Variants in SPTA1 observed in about 807,000 individuals in gnomAD.
SPTA1 encodes the protein spectrin alpha chain, erythrocytic 1.
Under a neutral mutation model 324.7 loss-of-function variants are expected in SPTA1, and 177 were observed. That is an observed-to-expected ratio of 0.55 (90% confidence interval 0.48 to 0.62). The LOEUF (loss-of-function observed/expected upper bound fraction) is 0.62, where lower values mean the gene tolerates loss of function less well. Ranked by LOEUF, SPTA1 falls within the 20% of genes least tolerant of loss-of-function variation. The pLI is 0.00. For synonymous variants in SPTA1, 1,195 were observed against 1,041.3 expected (o/e 1.15, Z -2.84); for missense variants, 3,162 against 2,883.6 (o/e 1.10, Z -2.21).
In SPTA1 at chr1:158,677,542, T is replaced by C. The variant is rs1654468288; in HGVS notation, c.957+148A>G. ...TCCACATACGAGTTATGAACTAGAA[T>C]GAAGAAGCGTATTCAAGTGCACACA... On this transcript the variant is annotated intron_variant, in intron 7 of 51. Coordinates refer to ENST00000643759, the MANE Select transcript of SPTA1 (RefSeq NM_003126.4). The C allele has an allele frequency of 1.3e-5, 12 of 905,348 alleles. No homozygotes were observed. In the Admixed American group the frequency reaches 2.0e-4, roughly 15 times the overall value. 56.1% of individuals were successfully genotyped at this position (905,348 alleles called of 1,614,324 possible).
intron 49 of SPTA1, among the ~76,000 whole-genome samples, 162 bp from the exon 50 acceptor site, chr1:158,614,029 T>C (rs908543545): frequency 1.1e-4 from 16 of 152,208 alleles, no homozygotes; most frequent in African/African-American, 3.9e-4. Flanking sequence ...GTACATTTTT[T>C]TAACCTAATG....
chr1:158,627,330 G>T (rs1373826077), intron 40 of SPTA1, among the ~76,000 whole-genome samples: 1 of 152,158 alleles, frequency 6.6e-6, no homozygotes, highest in Non-Finnish European at 1.5e-5. Context: ...TATGGCCAAA[G>T]CTAGTGATAA....
chr1:158,631,339 G>C (rs1408349574), intron 39 of SPTA1, among the ~76,000 whole-genome samples: 1 of 152,158 alleles, frequency 6.6e-6, no homozygotes, highest in Non-Finnish European at 1.5e-5. Flanking sequence ...GCCACTCTAA[G>C]TGAAGTAACT....
At position 158,614,160 on chromosome 1, in the gene SPTA1, C is replaced by A. The variant is rs1649416751; in HGVS notation, c.6842+93G>T. 4 of 1,064,050 alleles carry A rather than the reference C, an allele frequency of 3.8e-6. No individual in the cohort carries two copies. The Admixed American group carries it at 5.9e-5, about 16-fold the overall frequency. The allele number at this position is 1,064,050 out of a possible 1,614,324, so 65.9% of individuals were successfully genotyped here. ...ATCTAGATCTTCATTTAAGATTCCACCAAGCCTCACAGAGTGAGAGAAACA... is the reference window on the plus strand; with the variant it reads ...ATCTAGATCTTCATTTAAGATTCCAACAAGCCTCACAGAGTGAGAGAAACA... On this transcript the variant is annotated intron_variant, in intron 49 of 51. Transcript: ENST00000643759.
At chr1:158,662,576 T>A in intron 17 of SPTA1, 126 bp downstream of exon 17, 1 of 1,314,436 alleles carries the variant, frequency 7.6e-7, no homozygotes, top group Non-Finnish European at 1.0e-6. Context: ...GGACAAATTT[T>A]CATGAGTGTG....
rs376712487 is a variant in SPTA1, at chr1:158,642,528, T to C, written c.4620A>G (p.Lys1540=). The part of the protein sequence containing the change: ...DATNIQRKYL[K]HQTFAHEVDG... The stretch of plus-strand genomic sequence containing the variant: ...CGACTTCATGTGCAAAGGTCTGGTG[T>C]TTCAGGTATTTCCTCTGAAGGGAAA... Residue 1540 remains lysine (K), a synonymous_variant, in exon 33 of 52, where the codon AAA becomes AAG. Coordinates refer to ENST00000643759, the MANE Select transcript of SPTA1 (RefSeq NM_003126.4). 8.7e-6 allele frequency: 14 copies of C among 1,613,404 alleles called. No homozygotes were observed. The African/African-American group carries it at 1.9e-4, about 22-fold the overall frequency.
At chr1:158,641,927 T>C (rs1326846137) in intron 33 of SPTA1, among the ~76,000 whole-genome samples, 1 of 152,190 alleles carries the variant, frequency 6.6e-6, no homozygotes, top group Admixed American at 6.5e-5. Flanking sequence ...CCCACAATGG[T>C]AGACTGGATT....
In SPTA1 at chr1:158,648,532, C is replaced by G. The variant is rs1481180120; in HGVS notation, c.3691G>C (p.Asp1231His). Residue 1231 changes from aspartate (D) to histidine (H), a missense_variant, in exon 26 of 52, where the codon GAC becomes CAC. Asp to His is a moderately conservative substitution (Grantham distance 81, BLOSUM62 -1). Coordinates refer to ENST00000643759, the MANE Select transcript of SPTA1 (RefSeq NM_003126.4). ...ACCTTATCTCCCAGGGGTACGAGGTCCCTTTCAAAGCCCTCATGCCGTCGC... is the reference window on the plus strand; with the variant it reads ...ACCTTATCTCCCAGGGGTACGAGGTGCCTTTCAAAGCCCTCATGCCGTCGC... ...LQRRHEGFER[D>H]LVPLGDKVTI... 1 of 1,613,938 alleles carries G rather than the reference C, an allele frequency of 6.2e-7. No individual in the cohort carries two copies. Among genetic ancestry groups the G allele is most frequent in the South Asian group, 1.1e-5 (1 of 91,056 alleles).
rs974211819 is a variant in SPTA1 at position 158,683,245 on chromosome 1, G to C, written c.390+126C>G. On this transcript the variant is annotated intron_variant, in intron 3 of 51. Transcript: ENST00000643759. ...ATCATTTTTTATGCCTCAACCCCAG[G>C]GGAAGATAAGAGGCAGGAGTCCTGG... The C allele has an allele frequency of 5.9e-6, 8 of 1,350,890 alleles. No individual in the cohort carries two copies. In the African/African-American group the frequency reaches 1.0e-4, roughly 17 times the overall value. 83.7% of individuals were successfully genotyped at this position (1,350,890 alleles called of 1,614,324 possible). A position where few individuals can be genotyped will look rare whatever the true frequency, so the allele number is the denominator to read the frequency against.
rs371269282 is a variant in SPTA1 at position 158,634,615 on chromosome 1, C to T, written c.5493G>A (p.Glu1831=). The T allele has an allele frequency of 4.0e-5, 65 of 1,614,066 alleles. No homozygotes were observed. In the African/African-American group the frequency reaches 8.4e-4, roughly 21 times the overall value. ...CATTCTTTTCATTGATCCAAGCTTC[C>T]TCTTCCTCAGCATTCTGCATGAATT... is the stretch of plus-strand genomic sequence containing the variant. The part of the protein sequence containing the change: ...YLQFMQNAEE[E]EAWINEKNAL... Residue 1831 remains glutamate, a synonymous_variant, in exon 39 of 52, where the codon GAG becomes GAA. Transcript: ENST00000643759.
rs752468147 is a variant in SPTA1 at position 158,653,322 on chromosome 1, C to T, written c.3140G>A (p.Arg1047Gln). Reference sequence around the variant, plus strand: ...CTGGGTGATGTTTCCTGGCTCTTCTCGTCGCCGCTGTGGGAGCATCGGGAA... The same window carrying T: ...CTGGGTGATGTTTCCTGGCTCTTCTTGTCGCCGCTGTGGGAGCATCGGGAA... Reference protein sequence around the residue: ...DEFPMLPQRRREEPGNITQRQ... With the variant: ...DEFPMLPQRRQEEPGNITQRQ... The change falls in exon 22 of 52, where the codon CGA becomes CAA. Residue 1047 changes from arginine to glutamine, a missense_variant. Arg to Gln is a conservative substitution (Grantham distance 43). Coordinates refer to ENST00000643759, the MANE Select transcript of SPTA1 (RefSeq NM_003126.4). 5.6e-6 allele frequency: 9 copies of T among 1,614,096 alleles called. No individual in the cohort carries two copies. Among genetic ancestry groups the T allele is most frequent in the African/African-American group, 1.3e-5 (1 of 75,004 alleles).
intron 32 of SPTA1, 49 bp downstream of exon 32, chr1:158,642,765 A>G (rs747658710): frequency 9.9e-6 from 16 of 1,613,510 alleles, no homozygotes; most frequent in Non-Finnish European, 1.4e-5. Context: ...CTATCCAACC[A>G]ACAAGCTCGG....
At chr1:158,659,225 TG>T (rs1267942729) in intron 18 of SPTA1, among the ~76,000 whole-genome samples, 2 of 152,052 alleles carry the variant, frequency 1.3e-5, no homozygotes, top group Non-Finnish European at 2.9e-5. Context: ...TGAAAACAAA[TG>T]GAAGTATCAA....
intron 41 of SPTA1, 59 bp from the exon 42 acceptor site, chr1:158,626,281 A>G: frequency 6.7e-7 from 1 of 1,497,898 alleles, no homozygotes; most frequent in Non-Finnish European, 9.3e-7. Context: ...AGTCCTGGGA[A>G]GCAGAAAAGG....
Position 158,657,514 on chromosome 1 carries a change from T to G in SPTA1, c.2768A>C (p.Asp923Ala). Reference protein sequence around the residue: ...TWIREKEPIVDNTNYGADEEA... With the variant: ...TWIREKEPIVANTNYGADEEA... ...TTCATCAGCACCATAGTTAGTATTA[T>G]CTACAATAGGTTCCTTCTCTCTGAT... The change falls in exon 19 of 52, where the codon GAT becomes GCT. Residue 923 changes from aspartate (D) to alanine (A), a missense_variant. Coordinates refer to ENST00000643759, the MANE Select transcript of SPTA1 (RefSeq NM_003126.4). The G allele has an allele frequency of 1.2e-6, 2 of 1,613,852 alleles. No homozygotes were observed. Among genetic ancestry groups the G allele is most frequent in the African/African-American group, 1.3e-5 (1 of 75,014 alleles).
At position 158,652,634 on chromosome 1, in the gene SPTA1, G is replaced by T. The variant is rs777961517; in HGVS notation, c.3208C>A (p.Arg1070=). Residue 1070 remains arginine, a synonymous_variant, in exon 23 of 52, where the codon CGG becomes AGG. Coordinates refer to ENST00000643759, the MANE Select transcript of SPTA1 (RefSeq NM_003126.4). The part of the protein sequence containing the change: ...IENQYRSLLD[R]AEERRRRLLQ... ...AGACGACGTCTGCGTTCTTCTGCCC[G>T]ATCCAAGAGGGAGCGGTATCTGGAT... 1.9e-6 allele frequency: 3 copies of T among 1,614,102 alleles called. No individual in the cohort carries two copies. The highest frequency in any genetic ancestry group is 2.2e-5 in the South Asian group (2 of 91,078).
Position 158,647,515 on chromosome 1 carries a change from C to T in SPTA1, c.3896+24G>A, listed in dbSNP as rs527811263. Reference sequence around the variant, plus strand: ...AGACAGTCTACTTAGAGGCCAGACACGGAAGTTACCCACCCCACTCTACCT... The same window carrying T: ...AGACAGTCTACTTAGAGGCCAGACATGGAAGTTACCCACCCCACTCTACCT... On this transcript the variant is annotated intron_variant, in intron 27 of 51. Transcript: ENST00000643759. 179 of 1,612,298 alleles carry T rather than the reference C, an allele frequency of 1.1e-4. 2 individuals carry two copies. Among genetic ancestry groups the T allele is most frequent in the South Asian group, 1.0e-3 (95 of 91,008 alleles).
At chr1:158,655,936 G>A (rs61048005) in intron 20 of SPTA1, among the ~76,000 whole-genome samples, 5 of 152,104 alleles carry the variant, frequency 3.3e-5, no homozygotes, top group African/African-American at 7.2e-5. Context: ...CTAGAAAAAC[G>A]CTTATCCTCT....
intron 38 of SPTA1, 29 bp downstream of exon 38, chr1:158,635,884 G>A: frequency 6.2e-7 from 1 of 1,614,060 alleles, no homozygotes; most frequent in Non-Finnish European, 8.5e-7. Flanking sequence ...AATCCAGGAA[G>A]GGAACTGGGC....
Sources: allele counts gnomAD v4.1 joint callset (sites outside exome capture counted in the v4.1 genomes callset), GRCh38; gene constraint gnomAD v4.1.1; transcripts MANE v1.5; gene names NCBI Gene and HGNC (gene_info 2026-07-23, HGNC 2026-07-21).